DPYD: variants seen among roughly 807,000 people sequenced by gnomAD.
DPYD encodes dihydropyrimidine dehydrogenase.
DPYD carries 109 observed loss-of-function variants against 116.2 expected under a neutral mutation model. That is an observed-to-expected ratio of 0.94 (90% CI 0.80 to 1.10). DPYD has a LOEUF of 1.10. Among genes scored for constraint, DPYD ranks in the 50% least tolerant of loss-of-function variants. DPYD has a pLI of 0.00. For missense variants in DPYD, 1,302 were observed against 1,254.5 expected (o/e 1.04, Z -0.57); for synonymous variants, 440 against 432.0 (o/e 1.02, Z -0.23).
intron 18 of DPYD, among the ~76,000 whole-genome samples, chr1:97,290,105 T>G (rs1413961741): frequency 6.6e-6 from 1 of 152,074 alleles, no homozygotes; most frequent in Admixed American, 6.5e-5. Context: ...TCAAAGAGAA[T>G]AAAATACCTA....
intron 8 of DPYD, among the ~76,000 whole-genome samples, chr1:97,624,506 CTT>C (rs1403580716): frequency 6.6e-6 from 1 of 151,860 alleles, no homozygotes; most frequent in Non-Finnish European, 1.5e-5. Flanking sequence ...AGAAAACACT[CTT>C]GTTAGTGAGA....
intron 18 of DPYD, among the ~76,000 whole-genome samples, chr1:97,241,201 A>G (rs551139863): frequency 6.6e-6 from 1 of 152,008 alleles, no homozygotes; most frequent in African/African-American, 2.4e-5. Context: ...CTCAGTACCT[A>G]GCATGTGTCA....
chr1:97,189,497 T>C (rs868167703), intron 20 of DPYD, among the ~76,000 whole-genome samples: 1 of 152,198 alleles, frequency 6.6e-6, no homozygotes, highest in Non-Finnish European at 1.5e-5. Context: ...AAATTTGTTG[T>C]TCAAATATCG....
chr1:97,632,534 A>G (rs1053782743), intron 8 of DPYD, among the ~76,000 whole-genome samples: 1 of 152,134 alleles, frequency 6.6e-6, no homozygotes, highest in South Asian at 2.1e-4. Context: ...TAAGACACAC[A>G]ATACATTTAC....
intron 13 of DPYD, among the ~76,000 whole-genome samples, chr1:97,478,156 G>A (rs1474523127): frequency 6.6e-6 from 1 of 152,194 alleles, no homozygotes; most frequent in Non-Finnish European, 1.5e-5. Context: ...TGTCAAGAAG[G>A]AGTCAGTAGG....
At chr1:97,540,056 G>T (rs559135635) in intron 12 of DPYD, among the ~76,000 whole-genome samples, 7 of 152,150 alleles carry the variant, frequency 4.6e-5, no homozygotes, top group African/African-American at 1.7e-4. Context: ...CTCCCCACCA[G>T]CAAGCAAGCA....
At chr1:97,588,247 G>A (rs905043393) in intron 10 of DPYD, among the ~76,000 whole-genome samples, 1 of 152,278 alleles carries the variant, frequency 6.6e-6, no homozygotes, top group South Asian at 2.1e-4. Context: ...AGGCGTACCA[G>A]GGGTAGCATG....
chr1:97,750,583 C>T (rs1353526914), intron 3 of DPYD, among the ~76,000 whole-genome samples: 1 of 152,128 alleles, frequency 6.6e-6, no homozygotes, highest in Non-Finnish European at 1.5e-5. Context: ...TTACTTTTTG[C>T]ACTGGTCATA....
Position 97,227,481 on chromosome 1 carries a change from T to C in DPYD, c.2442+7371A>G, listed in dbSNP as rs975006501. ...CCCTATTTAGCTGATGTGATTACTA[T>C]GCATTGCATGCTTATATTAAAATAG... is the stretch of plus-strand genomic sequence containing the variant. On this transcript the variant is annotated intron_variant, in intron 19 of 22. Coordinates refer to ENST00000370192, the MANE Select transcript of DPYD (RefSeq NM_000110.4). Among the ~76,000 whole-genome samples, 5 of 152,086 alleles carry C rather than the reference T, an allele frequency of 3.3e-5. No homozygotes were observed. In the East Asian group the frequency reaches 9.6e-4, roughly 29 times the overall value.
chr1:97,869,387 A>T (rs1273066688), intron 2 of DPYD, among the ~76,000 whole-genome samples: 1 of 151,852 alleles, frequency 6.6e-6, no homozygotes, highest in Admixed American at 6.6e-5. Flanking sequence ...ATAAATAAGA[A>T]ATATAATAAA....
intron 19 of DPYD, among the ~76,000 whole-genome samples, chr1:97,215,522 T>C (rs149195737): frequency 8.3e-4 from 126 of 152,212 alleles, no homozygotes; most frequent in African/African-American, 3.0e-3. Flanking sequence ...ATTCTCTACC[T>C]CCCAGGCTAT....
At chr1:97,375,633 T>TA (rs1311543900) in intron 15 of DPYD, among the ~76,000 whole-genome samples, 1 of 152,200 alleles carries the variant, frequency 6.6e-6, no homozygotes, top group Non-Finnish European at 1.5e-5. Flanking sequence ...GTTCTAATCT[T>TA]ACGCCTGTAG....
chr1:97,908,147 G>C (rs572603920), intron 1 of DPYD, among the ~76,000 whole-genome samples: 1 of 152,052 alleles, frequency 6.6e-6, no homozygotes, highest in African/African-American at 2.4e-5. Flanking sequence ...TCAGGCTCAA[G>C]CAATCCTCCC....
At chr1:97,265,080 G>A (rs12139679) in intron 18 of DPYD, among the ~76,000 whole-genome samples, 3,343 of 152,136 alleles carry the variant, frequency 0.022, 54 homozygotes, top group Non-Finnish European at 0.031. Flanking sequence ...GGGAATCCTC[G>A]TTATAAATTA....
chr1:97,549,978 G>C lies in DPYD; in HGVS notation c.1340-234C>G, dbSNP rs182789036. Among the ~76,000 whole-genome samples the C allele has an allele frequency of 1.0e-3, 157 of 152,262 alleles. 1 individual carries two copies. Among genetic ancestry groups the C allele is most frequent in the African/African-American group, 3.6e-3 (148 of 41,550 alleles). On this transcript the variant is annotated intron_variant, in intron 11 of 22. Transcript: ENST00000370192. ...ACAGGAATTAAAGACCACAGATTTG[G>C]TCAATGTTTCAGAGCGGACATTTAT...
At chr1:97,594,221 G>T (rs904853907) in intron 9 of DPYD, among the ~76,000 whole-genome samples, 1 of 152,118 alleles carries the variant, frequency 6.6e-6, no homozygotes, top group Non-Finnish European at 1.5e-5. Flanking sequence ...TAATCATTTT[G>T]CTTGGAAGAT....
chr1:97,633,889 T>C (rs1344948755), intron 8 of DPYD, among the ~76,000 whole-genome samples: 2 of 152,074 alleles, frequency 1.3e-5, no homozygotes, highest in Admixed American at 1.3e-4. Context: ...CGTTTCAGCG[T>C]TGACTCCCCA....
chr1:97,596,084 A>G (rs558635842), intron 8 of DPYD, among the ~76,000 whole-genome samples: 44 of 152,182 alleles, frequency 2.9e-4, no homozygotes, highest in African/African-American at 1.0e-3. Flanking sequence ...CAGAAAGAGG[A>G]AAATAAGATG....
At chr1:97,796,407 T>C (rs1238803436) in intron 3 of DPYD, among the ~76,000 whole-genome samples, 1 of 152,074 alleles carries the variant, frequency 6.6e-6, no homozygotes, top group Non-Finnish European at 1.5e-5. Flanking sequence ...AATCTCTGAG[T>C]CTACATTGAT....
Sources: allele counts gnomAD v4.1 joint callset (sites outside exome capture counted in the v4.1 genomes callset), GRCh38; gene constraint gnomAD v4.1.1; transcripts MANE v1.5; gene names NCBI Gene and HGNC (gene_info 2026-07-23, HGNC 2026-07-21).